Variants in BRI3 observed in about 807,000 individuals in gnomAD.
The protein encoded by BRI3 is brain protein I3.
BRI3 carries 6 observed loss-of-function variants against 12.8 expected under a neutral mutation model. That is an observed-to-expected ratio of 0.47 (90% CI 0.26 to 0.93). The LOEUF (loss-of-function observed/expected upper bound fraction) is 0.93, where lower values mean the gene tolerates loss of function less well. BRI3 is among the 40% of genes least tolerant of loss of function. The probability of loss-of-function intolerance (pLI) is 0.15; values close to 1 mark genes in which losing one functional copy is unlikely to be tolerated. For missense variants in BRI3, 134 were observed against 171.1 expected (o/e 0.78, Z 1.21); for synonymous variants, 91 against 76.1 (o/e 1.20, Z -1.02).
chr7:98,288,136 A>AC (rs1799774069), intron 2 of BRI3, among the ~76,000 whole-genome samples: 1 of 152,198 alleles, frequency 6.6e-6, no homozygotes, highest in South Asian at 2.1e-4. Context: ...ACCAGAATAT[A>AC]CAGCCAGTGT....
Position 98,291,489 on chromosome 7 carries a change from GAAAT to G in BRI3, c.*249_*252del. ...GCAGTCTTCAATTTGAGAAAGGTGA[GAAAT>G]AATGTTTTCAATAAATGAGATTCAT... On this transcript the variant is annotated 3_prime_UTR_variant, in exon 3 of 3. Transcript: ENST00000297290. 3.0e-6 allele frequency: 4 copies of G among 1,328,074 alleles called. No individual in the cohort carries two copies. The highest frequency in any genetic ancestry group is 2.9e-6 in the Non-Finnish European group (3 of 1,037,558). The allele number at this position is 1,328,074 out of a possible 1,614,324, so 82.3% of individuals were successfully genotyped here.
chr7:98,304,243 T>C (rs1448384273), upstream of BRI3: 9 of 1,613,032 alleles, frequency 5.6e-6, no homozygotes, highest in Admixed American at 1.5e-4. Context: ...AAGGTGGATG[T>C]CGTCCTGGCC....
chr7:98,312,441 G>A (rs1156426744), downstream of BRI3, among the ~76,000 whole-genome samples: 3 of 152,158 alleles, frequency 2.0e-5, no homozygotes. Flanking sequence ...TGTCTCACCG[G>A]CTGAGAGGGG....
intron 2 of BRI3, 38 bp downstream of exon 2, chr7:98,282,491 C>CT: frequency 6.4e-7 from 1 of 1,551,702 alleles, no homozygotes. Context: ...GCCCTGGAAG[C>CT]TCTGAGGACC....
intron 2 of BRI3, among the ~76,000 whole-genome samples, chr7:98,284,134 C>G (rs1029149404): frequency 6.6e-6 from 1 of 152,196 alleles, no homozygotes; most frequent in Non-Finnish European, 1.5e-5. Context: ...GTTACTTAAT[C>G]ACTGCTCTCT....
chr7:98,297,603 T>C (rs1342274682), downstream of BRI3, among the ~76,000 whole-genome samples: 1 of 152,240 alleles, frequency 6.6e-6, no homozygotes, highest in East Asian at 1.9e-4. Context: ...CCAGTCCTCG[T>C]CTGTGGCCCG....
the BRI3 span, among the ~76,000 whole-genome samples, chr7:98,318,129 T>C: frequency 7.9e-5 from 12 of 152,210 alleles, no homozygotes; most frequent in Non-Finnish European, 1.5e-4. Context: ...TCAGTTCACA[T>C]TGCCCCCTTC....
chr7:98,293,475 CG>C (rs1562961024), downstream of BRI3: 1 of 1,568,946 alleles, frequency 6.4e-7, no homozygotes, highest in Non-Finnish European at 8.8e-7. Flanking sequence ...CCCATCATTC[CG>C]CAAGGGAGAA....
chr7:98,313,404 G>A (rs1800950179), downstream of BRI3, among the ~76,000 whole-genome samples: 1 of 152,088 alleles, frequency 6.6e-6, no homozygotes, highest in African/African-American at 2.4e-5. Flanking sequence ...CTGAAAAGGT[G>A]CTAGGCTGCC....
chr7:98,294,017 A>T (rs373700529), downstream of BRI3: 157 of 1,576,904 alleles, frequency 1.0e-4, no homozygotes, highest in Non-Finnish European at 1.3e-4. Context: ...CTTCCGGGGG[A>T]CACTACAGGG....
At chr7:98,307,970 C>T (rs780981619) in exon 2 of BRI3, 3 of 1,384,176 alleles carry the variant, frequency 2.2e-6, no homozygotes, top group South Asian at 2.3e-5. Context: ...TGAGCAAACC[C>T]CAGGAATCCA....
upstream of BRI3, among the ~76,000 whole-genome samples, chr7:98,303,276 G>A (rs986153440): frequency 2.6e-5 from 4 of 152,130 alleles, no homozygotes; most frequent in African/African-American, 9.7e-5. Context: ...ACCACTCACA[G>A]CTGAACTAAG....
At chr7:98,309,858 T>C (rs1437111003) in exon 2 of BRI3, 2 of 151,878 alleles carry the variant, frequency 1.3e-5, no homozygotes, top group Non-Finnish European at 2.9e-5. Context: ...AGACAGTCAC[T>C]GGCTCCAACT....
downstream of BRI3, chr7:98,292,932 C>T: frequency 1.5e-6 from 2 of 1,352,598 alleles, no homozygotes; most frequent in Non-Finnish European, 1.9e-6. Context: ...AGCGTCTTAG[C>T]ACTCTACAGC....
chr7:98,293,548 A>G (rs1800056989), downstream of BRI3: 2 of 1,613,870 alleles, frequency 1.2e-6, no homozygotes, highest in Non-Finnish European at 1.7e-6. Flanking sequence ...CCGAGCGATC[A>G]TTCGTCACAG....
chr7:98,298,463 CTT>C (rs896182975), intron 1 of BRI3, among the ~76,000 whole-genome samples: 1 of 152,022 alleles, frequency 6.6e-6, no homozygotes, highest in South Asian at 2.1e-4. Flanking sequence ...ATACAAAAAA[CTT>C]AGCCAGGCGT....
chr7:98,290,085 C>T (rs1799854025), intron 2 of BRI3, among the ~76,000 whole-genome samples: 1 of 152,088 alleles, frequency 6.6e-6, no homozygotes, highest in South Asian at 2.1e-4. Flanking sequence ...GAATAAAAGC[C>T]CAAACCTGAC....
At chr7:98,319,826 C>A in the BRI3 span, among the ~76,000 whole-genome samples, 3 of 152,178 alleles carry the variant, frequency 2.0e-5, no homozygotes, top group Non-Finnish European at 2.9e-5. Flanking sequence ...GCTGGGATTA[C>A]AGGCATGAGC....
At chr7:98,316,736 G>A in the BRI3 span, among the ~76,000 whole-genome samples, 1 of 151,998 alleles carries the variant, frequency 6.6e-6, no homozygotes, top group Non-Finnish European at 1.5e-5. Context: ...TTATCCAATT[G>A]TATGTTTGGA....
Sources: allele counts gnomAD v4.1 joint callset (sites outside exome capture counted in the v4.1 genomes callset), GRCh38; gene constraint gnomAD v4.1.1; transcripts MANE v1.5; gene names NCBI Gene and HGNC (gene_info 2026-07-23, HGNC 2026-07-21).